C12orf42: variants seen among roughly 807,000 people sequenced by gnomAD.
The protein encoded by C12orf42 is chromosome 12 open reading frame 42, also known as uncharacterized protein C12orf42.
In C12orf42, 25 loss-of-function variants were observed where a neutral mutation model predicts 21.6. The observed-to-expected ratio is 1.16, with a 90% CI of 0.84 to 1.62. The LOEUF (loss-of-function observed/expected upper bound fraction) is 1.62. Ranked by LOEUF, C12orf42 falls within the 40% of genes most tolerant of loss-of-function variation. The pLI is 0.00. For missense variants in C12orf42, 483 were observed against 459.3 expected, an observed-to-expected ratio of 1.05 and a Z score of -0.47; for synonymous variants, 174 against 175.0, an observed-to-expected ratio of 0.99 and a Z score of 0.05.
the C12orf42 span, among the ~76,000 whole-genome samples, chr12:103,051,379 C>CT: frequency 2.7e-4 from 41 of 151,840 alleles, no homozygotes; most frequent in African/African-American, 4.8e-4. Flanking sequence ...ACCAACATTT[C>CT]TTTTTTTTGC....
the C12orf42 span, among the ~76,000 whole-genome samples, chr12:103,555,808 T>C: frequency 2.0e-5 from 3 of 152,118 alleles, no homozygotes; most frequent in South Asian, 4.1e-4. Flanking sequence ...TCACCAGTCA[T>C]TGGTTGAGAA....
the C12orf42 span, among the ~76,000 whole-genome samples, chr12:103,051,877 T>C: frequency 0.15 from 22,987 of 152,192 alleles, 2,237 homozygotes; most frequent in East Asian, 0.5. Context: ...CCTGTTTCTT[T>C]GTCTTCCTCC....
chr12:103,053,288 A>C, the C12orf42 span, among the ~76,000 whole-genome samples: 1 of 152,010 alleles, frequency 6.6e-6, no homozygotes, highest in African/African-American at 2.4e-5. Flanking sequence ...ATTATTGCAC[A>C]ATATCACAAA....
At chr12:103,083,413 A>C in the C12orf42 span, among the ~76,000 whole-genome samples, 9 of 152,202 alleles carry the variant, frequency 5.9e-5, no homozygotes, top group Admixed American at 2.0e-4. Context: ...TGATGCCCAG[A>C]ATTATTTTTC....
intron 1 of C12orf42, among the ~76,000 whole-genome samples, chr12:103,492,362 C>A (rs1378706158): frequency 6.6e-6 from 1 of 152,218 alleles, no homozygotes; most frequent in Admixed American, 6.5e-5. Flanking sequence ...ATTCAGTCTG[C>A]GTCAAAAGCA....
the C12orf42 span, among the ~76,000 whole-genome samples, chr12:103,165,984 G>A: frequency 7.3e-5 from 11 of 151,722 alleles, no homozygotes; most frequent in Admixed American, 3.9e-4. Context: ...AGGTTGGAGT[G>A]AGCCGAGATC....
At chr12:103,073,923 C>T in the C12orf42 span, among the ~76,000 whole-genome samples, 3 of 152,222 alleles carry the variant, frequency 2.0e-5, no homozygotes, top group Admixed American at 1.3e-4. Flanking sequence ...CAGAGGTTAA[C>T]ATATTTGCCT....
chr12:103,075,283 A>G, the C12orf42 span, among the ~76,000 whole-genome samples: 1 of 151,930 alleles, frequency 6.6e-6, no homozygotes, highest in Non-Finnish European at 1.5e-5. Context: ...CTCCATCAAT[A>G]TTTATTCCCT....
At chr12:103,205,312 C>T in the C12orf42 span, among the ~76,000 whole-genome samples, 1 of 134,796 alleles carries the variant, frequency 7.4e-6, no homozygotes, top group Non-Finnish European at 1.7e-5. Flanking sequence ...TTAGTGGACT[C>T]ACAGTTCCAC....
chr12:103,180,615 C>CTTTTTTTTTTTT, the C12orf42 span, among the ~76,000 whole-genome samples: 4 of 61,964 alleles, frequency 6.5e-5, no homozygotes, highest in African/African-American at 2.9e-4. Context: ...AAATAATTTC[C>CTTTTTTTTTTTT]TTTTTTTTTT....
chr12:103,104,305 G>A, the C12orf42 span, among the ~76,000 whole-genome samples: 1 of 152,144 alleles, frequency 6.6e-6, no homozygotes, highest in Non-Finnish European at 1.5e-5. Context: ...AATAAAGAAA[G>A]ATATACTCCA....
the C12orf42 span, among the ~76,000 whole-genome samples, chr12:103,191,535 C>A: frequency 1.1e-5 from 1 of 90,768 alleles, no homozygotes; most frequent in Non-Finnish European, 2.1e-5. Context: ...GGTGAAACCT[C>A]CACTCTACAA....
chr12:103,083,125 G>A, the C12orf42 span, among the ~76,000 whole-genome samples: 1 of 152,156 alleles, frequency 6.6e-6, no homozygotes, highest in Admixed American at 6.5e-5. Flanking sequence ...AACACTTTGG[G>A]AGGCCGAGGC....
chr12:103,506,502 T>A, the C12orf42 span, among the ~76,000 whole-genome samples: 1 of 151,930 alleles, frequency 6.6e-6, no homozygotes, highest in African/African-American at 2.4e-5. Context: ...TTTCTTTGTT[T>A]AGATATGTTT....
chr12:103,540,296 G>T, the C12orf42 span, among the ~76,000 whole-genome samples: 5 of 152,242 alleles, frequency 3.3e-5, no homozygotes, highest in African/African-American at 1.2e-4. Flanking sequence ...GTGAGCTACC[G>T]CGCCCGGCCG....
At chr12:103,229,927 A>G in the C12orf42 span, among the ~76,000 whole-genome samples, 10 of 152,232 alleles carry the variant, frequency 6.6e-5, no homozygotes, top group South Asian at 6.2e-4. Flanking sequence ...CCGAGGAGTG[A>G]GAGTTTTGAG....
At chr12:103,390,568 G>A (rs1037778615) in intron 3 of C12orf42, among the ~76,000 whole-genome samples, 2 of 152,160 alleles carry the variant, frequency 1.3e-5, no homozygotes, top group Non-Finnish European at 2.9e-5. Flanking sequence ...AAACAGAACC[G>A]ATAGGATATA....
intron 2 of C12orf42, among the ~76,000 whole-genome samples, chr12:103,461,630 C>T (rs1239369506): frequency 1.3e-5 from 2 of 152,120 alleles, no homozygotes; most frequent in African/African-American, 4.8e-5. Context: ...AATCTAGAGA[C>T]TTGAATTCTT....
At chr12:103,320,292 T>G (rs916653723) in intron 4 of C12orf42, among the ~76,000 whole-genome samples, 7 of 152,196 alleles carry the variant, frequency 4.6e-5, no homozygotes, top group African/African-American at 1.7e-4. Flanking sequence ...AATATTAACT[T>G]AATAACATGT....
Sources: allele counts gnomAD v4.1 joint callset (sites outside exome capture counted in the v4.1 genomes callset), GRCh38; gene constraint gnomAD v4.1.1; transcripts MANE v1.5; gene names NCBI Gene and HGNC (gene_info 2026-07-23, HGNC 2026-07-21).